EPM2A: variants seen among roughly 807,000 people sequenced by gnomAD.
EPM2A encodes laforin.
EPM2A carries 21 observed loss-of-function variants against 26.5 expected under a neutral mutation model. That is an observed-to-expected ratio of 0.79 (90% confidence interval 0.56 to 1.14). The LOEUF (loss-of-function observed/expected upper bound fraction) is 1.14. Among genes scored for constraint, EPM2A ranks in the 50% most tolerant of loss-of-function variants. The pLI is 0.00. For synonymous variants in EPM2A, 217 were observed against 177.6 expected (o/e 1.22, Z -1.76); for missense variants, 458 against 440.8 (o/e 1.04, Z -0.35).
chr6:145,675,799 A>G (rs947554893), intron 2 of EPM2A, among the ~76,000 whole-genome samples: 2 of 152,212 alleles, frequency 1.3e-5, no homozygotes, highest in African/African-American at 4.8e-5. Flanking sequence ...TTAGAGACCT[A>G]TAAAGAGACT....
intron 3 of EPM2A, among the ~76,000 whole-genome samples, chr6:145,633,062 G>T (rs1776385321): frequency 6.6e-6 from 1 of 152,196 alleles, no homozygotes; most frequent in South Asian, 2.1e-4. Flanking sequence ...ACTACAATGG[G>T]TCCTTGGGGA....
At chr6:145,554,539 C>T (rs1780700930) in intron 2 of EPM2A, among the ~76,000 whole-genome samples, 1 of 152,038 alleles carries the variant, frequency 6.6e-6, no homozygotes, top group South Asian at 2.1e-4. Flanking sequence ...GTTGCTACAA[C>T]AGAATACCAC....
At chr6:145,491,172 G>C in intron 4 of EPM2A, 1 of 501,868 alleles carries the variant, frequency 2.0e-6, no homozygotes, top group Admixed American at 2.4e-5. Flanking sequence ...TGACTTCAAG[G>C]GCTTTCATAA....
intron 2 of EPM2A, among the ~76,000 whole-genome samples, chr6:145,676,322 C>A (rs564697799): frequency 2.6e-5 from 4 of 152,084 alleles, no homozygotes; most frequent in Non-Finnish European, 4.4e-5. Context: ...CAAGAGAAAG[C>A]AGAAAGATAT....
At chr6:145,705,407 G>C (rs1782166860) in intron 1 of EPM2A, 1 of 356,802 alleles carries the variant, frequency 2.8e-6, no homozygotes, top group African/African-American at 2.1e-5. Context: ...ACACAAGTTA[G>C]CTGGGCATGG....
chr6:145,401,303 A>G (rs1348369769), intron 4 of EPM2A, among the ~76,000 whole-genome samples: 1 of 152,150 alleles, frequency 6.6e-6, no homozygotes, highest in African/African-American at 2.4e-5. Context: ...TATATCATAT[A>G]CACAAGTACT....
chr6:145,386,509 A>G (rs143421575), intron 4 of EPM2A, among the ~76,000 whole-genome samples: 2 of 152,280 alleles, frequency 1.3e-5, no homozygotes, highest in East Asian at 3.9e-4. Context: ...AGCCGTCACT[A>G]GATATTCCAT....
intron 4 of EPM2A, among the ~76,000 whole-genome samples, chr6:145,451,985 ATT>A (rs1779201053): frequency 6.6e-6 from 1 of 152,040 alleles, no homozygotes; most frequent in African/African-American, 2.4e-5. Flanking sequence ...CCTCTTCATC[ATT>A]GTTTTTTCTT....
chr6:145,584,799 C>T (rs1052740860), intron 2 of EPM2A, among the ~76,000 whole-genome samples: 1 of 152,190 alleles, frequency 6.6e-6, no homozygotes, highest in Non-Finnish European at 1.5e-5. Context: ...TGCATCCTCC[C>T]TGCATCCATT....
intron 2 of EPM2A, among the ~76,000 whole-genome samples, chr6:145,661,677 T>C (rs1778719920): frequency 6.6e-6 from 1 of 152,216 alleles, no homozygotes; most frequent in South Asian, 2.1e-4. Context: ...AAACTAGGCA[T>C]ATGAATGTTC....
rs186808373 is a variant in EPM2A, at chr6:145,702,946, C to T, written c.302-16650G>A. Among the ~76,000 whole-genome samples, 222 of 152,248 alleles carry T rather than the reference C, an allele frequency of 1.5e-3. 4 individuals carry two copies. The highest frequency in any genetic ancestry group is 3.9e-4 in the East Asian group (2 of 5,186). ...TCTATTTTTATAAAATAACTTAATG[C>T]AAATGTAAGAGTTAACTTTTATTAA... On this transcript the variant is annotated intron_variant, in intron 1 of 3. Transcript: ENST00000367519.
chr6:145,716,979 T>C (rs371209194), intron 1 of EPM2A, among the ~76,000 whole-genome samples: 161 of 152,256 alleles, frequency 1.1e-3, no homozygotes, highest in Non-Finnish European at 2.0e-3. Flanking sequence ...AACCCTACTA[T>C]AAAGTCTTCC....
intron 2 of EPM2A, among the ~76,000 whole-genome samples, chr6:145,504,443 C>T (rs1194550119): frequency 2.2e-5 from 3 of 135,014 alleles, no homozygotes; most frequent in African/African-American, 8.3e-5. Context: ...AGGACATGAA[C>T]AGACACTTCT....
intron 4 of EPM2A, among the ~76,000 whole-genome samples, chr6:145,400,273 G>A (rs912401797): frequency 2.0e-5 from 3 of 152,130 alleles, no homozygotes; most frequent in Non-Finnish European, 2.9e-5. Flanking sequence ...ACAATCCTAA[G>A]ACACCCAACC....
intron 2 of EPM2A, among the ~76,000 whole-genome samples, chr6:145,649,906 A>G (rs187833539): frequency 2.2e-4 from 33 of 152,308 alleles, no homozygotes; most frequent in African/African-American, 7.9e-4. Flanking sequence ...CGGGAAACCC[A>G]TAGCTCTACC....
intron 4 of EPM2A, among the ~76,000 whole-genome samples, chr6:145,453,765 A>G (rs1779227239): frequency 6.6e-6 from 1 of 152,196 alleles, no homozygotes; most frequent in African/African-American, 2.4e-5. Flanking sequence ...ACCCAGATTA[A>G]AATACTGATA....
chr6:145,442,893 C>T (rs1283762584), intron 4 of EPM2A, among the ~76,000 whole-genome samples: 4 of 150,694 alleles, frequency 2.7e-5, no homozygotes, highest in African/African-American at 9.8e-5. Flanking sequence ...TGGTGTCTCG[C>T]TCTGTTGCGC....
Position 145,502,770 on chromosome 6 carries a change from A to C in EPM2A, c.341-195T>G, listed in dbSNP as rs961874078. 3.9e-5 allele frequency among the ~76,000 whole-genome samples: 6 copies of C among 152,264 alleles called. No individual in the cohort carries two copies. In the East Asian group the frequency reaches 9.6e-4, roughly 24 times the overall value. ...AATGAATCCCAAATAAATCATGACT[A>C]TTAATATATTTATTTGTTTGATACA... On this transcript the variant is annotated intron_variant, in intron 2 of 3. Transcript: ENST00000450221.
chr6:145,573,326 T>A (rs1428150312), intron 2 of EPM2A, among the ~76,000 whole-genome samples: 1 of 152,204 alleles, frequency 6.6e-6, no homozygotes, highest in Non-Finnish European at 1.5e-5. Flanking sequence ...CTGGTGGGCT[T>A]TATGGACAGG....
Sources: gnomAD v4.1 joint callset for allele counts (sites outside exome capture counted in the v4.1 genomes callset) on GRCh38, gnomAD v4.1.1 for gene constraint, MANE v1.5 for transcripts, NCBI Gene and HGNC (gene_info 2026-07-23, HGNC 2026-07-21) for gene names.